The following HECTD4 variants were observed in gnomAD, a reference collection of about 807,000 sequenced individuals.
HECTD4 encodes the protein HECT domain E3 ubiquitin protein ligase 4, also known as probable E3 ubiquitin-protein ligase HECTD4.
In HECTD4, 114 loss-of-function variants were observed where a neutral mutation model predicts 471.5. The ratio of observed to expected loss-of-function variants is 0.24; its 90% CI spans 0.21 to 0.28. The LOEUF is 0.28. Ranked by LOEUF, HECTD4 falls within the 10% of genes least tolerant of loss-of-function variation. HECTD4 has a pLI of 1.00. For missense variants in HECTD4, 3,866 were observed against 5,651.5 expected (o/e 0.68, Z 10.13); for synonymous variants, 2,012 against 2,256.0 (o/e 0.89, Z 3.07).
At chr12:112,310,852 A>G (rs1321688244) in intron 4 of HECTD4, among the ~76,000 whole-genome samples, 1 of 152,358 alleles carries the variant, frequency 6.6e-6, no homozygotes, top group East Asian at 1.9e-4. Flanking sequence ...AGTGAAAAGG[A>G]CAAACAAAAC....
At chr12:112,246,343 T>A (rs1236526995) in intron 29 of HECTD4, among the ~76,000 whole-genome samples, 2 of 152,006 alleles carry the variant, frequency 1.3e-5, no homozygotes, top group African/African-American at 4.8e-5. Context: ...TATGTTAGTA[T>A]GAAAACAAAA....
At chr12:112,257,963 G>T (rs2034057799) in intron 20 of HECTD4, among the ~76,000 whole-genome samples, 1 of 152,170 alleles carries the variant, frequency 6.6e-6, no homozygotes, top group Non-Finnish European at 1.5e-5. Flanking sequence ...GCTGAGGTGG[G>T]CGGATCATGA....
chr12:112,354,484 G>C (rs1221636903), intron 1 of HECTD4, among the ~76,000 whole-genome samples: 2 of 152,162 alleles, frequency 1.3e-5, no homozygotes, highest in African/African-American at 4.8e-5. Flanking sequence ...CCAGTAGTTT[G>C]AGACTAGTCT....
chr12:112,187,042 T>C (rs2339942), intron 60 of HECTD4, among the ~76,000 whole-genome samples: 32,140 of 149,264 alleles, frequency 0.22, 5,493 homozygotes, highest in East Asian at 0.85. Context: ...TGCAATGGCG[T>C]GATCTTGGCT....
intron 60 of HECTD4, among the ~76,000 whole-genome samples, chr12:112,189,954 T>C (rs1423095466): frequency 6.6e-6 from 1 of 152,188 alleles, no homozygotes; most frequent in Non-Finnish European, 1.5e-5. Flanking sequence ...GGTTTCATCA[T>C]GTTGGTCAGG....
chr12:112,196,724 G>A (rs979676271), intron 55 of HECTD4, among the ~76,000 whole-genome samples: 2 of 152,058 alleles, frequency 1.3e-5, no homozygotes, highest in African/African-American at 4.8e-5. Flanking sequence ...TTGAGTAGCT[G>A]GGACTACAGA....
In HECTD4 at chr12:112,177,065, T is replaced by C. The variant is rs1220377914; in HGVS notation, c.11364-363A>G. 2.0e-5 allele frequency among the ~76,000 whole-genome samples: 3 copies of C among 152,324 alleles called. No homozygotes were observed. In the East Asian group the frequency reaches 5.8e-4, roughly 29 times the overall value. On this transcript the variant is annotated intron_variant, in intron 64 of 75. Transcript: ENST00000682272. ...CAGTTCCTGTTCACCCTTGCCACACTGCAAATGCCCCATAGCCAGTTGTGG... is the reference window on the plus strand; with the variant it reads ...CAGTTCCTGTTCACCCTTGCCACACCGCAAATGCCCCATAGCCAGTTGTGG...
At chr12:112,225,279 G>A (rs2135559746) in intron 44 of HECTD4, among the ~76,000 whole-genome samples, 1 of 132,028 alleles carries the variant, frequency 7.6e-6, no homozygotes, top group Admixed American at 8.2e-5. Context: ...GAGAGTTACT[G>A]ACAAAATAAA....
intron 55 of HECTD4, among the ~76,000 whole-genome samples, chr12:112,197,743 A>G (rs2032289275): frequency 6.6e-6 from 1 of 152,244 alleles, no homozygotes; most frequent in African/African-American, 2.4e-5. Context: ...GGTTTCATCT[A>G]TCAAAGTTGT....
At chr12:112,328,354 C>T (rs1420815741) in intron 1 of HECTD4, among the ~76,000 whole-genome samples, 1 of 152,088 alleles carries the variant, frequency 6.6e-6, no homozygotes, top group Non-Finnish European at 1.5e-5. Context: ...CTAGGCTGAT[C>T]TCAAACTCCT....
chr12:112,344,389 A>G (rs778198093), intron 1 of HECTD4, among the ~76,000 whole-genome samples: 7 of 152,216 alleles, frequency 4.6e-5, no homozygotes, highest in Non-Finnish European at 1.0e-4. Flanking sequence ...GATGAGTGTT[A>G]TGCATAAAGA....
At chr12:112,373,626 C>A (rs887876315) in intron 1 of HECTD4, among the ~76,000 whole-genome samples, 2 of 152,160 alleles carry the variant, frequency 1.3e-5, no homozygotes, top group African/African-American at 4.8e-5. Context: ...AAGTACTTAG[C>A]ACAGAACATA....
chr12:112,378,871 G>A (rs1400614845), intron 1 of HECTD4, among the ~76,000 whole-genome samples: 1 of 152,052 alleles, frequency 6.6e-6, no homozygotes, highest in Non-Finnish European at 1.5e-5. Context: ...GTGAAACCCC[G>A]TCTCTACTAA....
intron 7 of HECTD4, among the ~76,000 whole-genome samples, chr12:112,301,045 C>G (rs545360358): frequency 1.3e-5 from 2 of 151,050 alleles, no homozygotes; most frequent in African/African-American, 2.5e-5. Context: ...CCACCATGCC[C>G]GGCTAATTTT....
chr12:112,191,198 A>G (rs2032067346), intron 59 of HECTD4, among the ~76,000 whole-genome samples: 1 of 152,226 alleles, frequency 6.6e-6, no homozygotes, highest in Non-Finnish European at 1.5e-5. Flanking sequence ...GATTTGGCAA[A>G]TGGGACAAAG....
intron 7 of HECTD4, among the ~76,000 whole-genome samples, chr12:112,297,738 T>C (rs2035072471): frequency 6.6e-6 from 1 of 152,106 alleles, no homozygotes; most frequent in Non-Finnish European, 1.5e-5. Context: ...AGTCTAATAT[T>C]CTGTGCACAT....
At chr12:112,224,100 C>A (rs1692948867) in intron 44 of HECTD4, among the ~76,000 whole-genome samples, 1 of 152,036 alleles carries the variant, frequency 6.6e-6, no homozygotes, top group African/African-American at 2.4e-5. Flanking sequence ...ATAGTCTATG[C>A]CTCCCTTGTA....
At chr12:112,222,690 C>T (rs1211893971) in intron 44 of HECTD4, among the ~76,000 whole-genome samples, 1 of 151,752 alleles carries the variant, frequency 6.6e-6, no homozygotes, top group Non-Finnish European at 1.5e-5. Context: ...AAAAATTAGC[C>T]GGGCATGGTG....
chr12:112,312,358 G>A (rs2035390466), intron 4 of HECTD4, among the ~76,000 whole-genome samples: 2 of 152,152 alleles, frequency 1.3e-5, no homozygotes, highest in African/African-American at 4.8e-5. Context: ...TCCGCTGGTG[G>A]GAGCAGAGCT....
Sources: allele counts gnomAD v4.1 joint callset (sites outside exome capture counted in the v4.1 genomes callset), GRCh38; gene constraint gnomAD v4.1.1; transcripts MANE v1.5; gene names NCBI Gene and HGNC (gene_info 2026-07-23, HGNC 2026-07-21).